GDNF: variants seen among roughly 807,000 people sequenced by gnomAD.
GDNF encodes the protein glial cell derived neurotrophic factor.
A neutral mutation model predicts 13.7 loss-of-function variants in GDNF; 5 were observed. That is an observed-to-expected ratio of 0.36 (90% CI 0.19 to 0.77). The LOEUF (loss-of-function observed/expected upper bound fraction) is 0.77, where lower values mean the gene tolerates loss of function less well. Among genes scored for constraint, GDNF ranks in the 30% least tolerant of loss-of-function variants. GDNF has a pLI of 0.51. For synonymous variants in GDNF, 122 were observed against 112.5 expected, an observed-to-expected ratio of 1.08 and a Z score of -0.53; for missense variants, 246 against 274.3, an observed-to-expected ratio of 0.90 and a Z score of 0.73.
Position 37,815,837 on chromosome 5 carries a change from A to G in GDNF, c.450T>C (p.Asp150=). The G allele has an allele frequency of 6.2e-7, 1 of 1,614,090 alleles. No individual in the cohort carries two copies. The highest frequency in any genetic ancestry group is 1.1e-5 in the South Asian group (1 of 91,072). ...LIFRYCSGSC[D]AAETTYDKIL... is the part of the protein sequence containing the mutation. ...TTTTGTCGTACGTTGTCTCAGCTGCATCGCAAGAGCCGCTGCAGTACCTAA... is the reference window on the plus strand; with the variant it reads ...TTTTGTCGTACGTTGTCTCAGCTGCGTCGCAAGAGCCGCTGCAGTACCTAA... Residue 150 remains aspartate (D), a synonymous_variant, in exon 3 of 3, where the codon GAT becomes GAC. Transcript: ENST00000326524. The surrounding 1 kb of genome is among the most constrained non-coding windows in gnomAD (Gnocchi z 5.0).
At chr5:37,835,431 A>T in intron 1 of GDNF, 1 of 1,431,240 alleles carries the variant, frequency 7.0e-7, no homozygotes. Flanking sequence ...TCCCACCTAA[A>T]TAGGTATTCT....
At chr5:37,816,206 G>T in intron 2 of GDNF, 71 bp from the exon 3 acceptor site, 1 of 1,542,262 alleles carries the variant, frequency 6.5e-7, no homozygotes, top group Non-Finnish European at 8.9e-7. Context: ...CAAGATCAAA[G>T]TGCCCCCCTA....
chr5:37,819,029 T>C (rs1258028380), intron 2 of GDNF, among the ~76,000 whole-genome samples: 2 of 152,180 alleles, frequency 1.3e-5, no homozygotes, highest in African/African-American at 4.8e-5. Context: ...GAATGTCAAC[T>C]CCAAGAGGCA....
At chr5:37,834,591 G>T in intron 2 of GDNF, 55 bp downstream of exon 2, 1 of 1,356,270 alleles carries the variant, frequency 7.4e-7, no homozygotes, top group Non-Finnish European at 9.8e-7. Context: ...GGCTGCGGGT[G>T]GGGGTGCGAG....
chr5:37,826,408 C>T (rs2111680650), intron 2 of GDNF, among the ~76,000 whole-genome samples: 1 of 152,304 alleles, frequency 6.6e-6, no homozygotes, highest in Non-Finnish European at 1.5e-5. Context: ...AAAAGGGGAT[C>T]CAGACACTGG....
At chr5:37,829,013 G>A (rs910599390) in intron 2 of GDNF, among the ~76,000 whole-genome samples, 2 of 152,212 alleles carry the variant, frequency 1.3e-5, no homozygotes, top group African/African-American at 4.8e-5. Flanking sequence ...GCAAGATCCC[G>A]CCTTGTAGTC....
chr5:37,825,718 G>C (rs1023394395), intron 2 of GDNF, among the ~76,000 whole-genome samples: 1 of 152,166 alleles, frequency 6.6e-6, no homozygotes, highest in Admixed American at 6.5e-5. Context: ...GCAGGACCCT[G>C]CAGGATTCTG....
chr5:37,819,143 C>G (rs955023075), intron 2 of GDNF, among the ~76,000 whole-genome samples: 3 of 152,066 alleles, frequency 2.0e-5, no homozygotes, highest in African/African-American at 7.2e-5. Context: ...TTTTACTAGG[C>G]GGAAAGAGAG....
intron 2 of GDNF, among the ~76,000 whole-genome samples, chr5:37,822,850 C>A (rs1750189335): frequency 6.6e-6 from 1 of 151,890 alleles, no homozygotes; most frequent in South Asian, 2.1e-4. Context: ...AAGAAGAGTC[C>A]CAATGAATGT....
In GDNF at chr5:37,838,779, T is replaced by C. The variant is rs909878723; in HGVS notation, c.-27+728A>G. Among the ~76,000 whole-genome samples the C allele has an allele frequency of 2.0e-5, 3 of 151,778 alleles. No homozygotes were observed. Among genetic ancestry groups the C allele is most frequent in the Non-Finnish European group, 4.4e-5 (3 of 67,934 alleles). On this transcript the variant is annotated intron_variant, in intron 1 of 2. Coordinates refer to ENST00000326524, the MANE Select transcript of GDNF (RefSeq NM_000514.4). The surrounding 1 kb of genome is among the most constrained non-coding windows in gnomAD (Gnocchi z 4.1). ...GGTGTTTTTGGAAGGCGGCACAGAG[T>C]ACAGGAGAAAAAGGGGTCATTAAAA...
At position 37,816,131 on chromosome 5, in the gene GDNF, A is replaced by G. The variant is rs747464123; in HGVS notation, c.156T>C (p.Asn52=). 1 of 1,613,862 alleles carries G rather than the reference A, an allele frequency of 6.2e-7. No individual in the cohort carries two copies. Among genetic ancestry groups the G allele is most frequent in the Non-Finnish European group, 8.5e-7 (1 of 1,179,752 alleles). Residue 52 remains asparagine (N), a synonymous_variant, in exon 3 of 3, where the codon AAT becomes AAC. Transcript: ENST00000326524. Reference sequence around the variant, plus strand: ...ACTGATCAGGATAATCCTCTGGCATATTTGCTGTTCAAAAAGAAAAGAGAA... The same window carrying G: ...ACTGATCAGGATAATCCTCTGGCATGTTTGCTGTTCAAAAAGAAAAGAGAA... ...RAPFALSSDS[N]MPEDYPDQFD...
chr5:37,825,746 C>G (rs889913477), intron 2 of GDNF, among the ~76,000 whole-genome samples: 7 of 152,156 alleles, frequency 4.6e-5, no homozygotes, highest in Non-Finnish European at 1.0e-4. Context: ...CATCCCTCAG[C>G]TCTTCCCAGG....
At chr5:37,826,475 C>T (rs1042111480) in intron 2 of GDNF, among the ~76,000 whole-genome samples, 1 of 152,190 alleles carries the variant, frequency 6.6e-6, no homozygotes, top group Admixed American at 6.5e-5. Context: ...GGGCCTGGAG[C>T]CCCTGGCATG....
intron 2 of GDNF, among the ~76,000 whole-genome samples, chr5:37,829,161 G>T (rs1750431439): frequency 6.6e-6 from 1 of 152,182 alleles, no homozygotes; most frequent in African/African-American, 2.4e-5. Context: ...CCTCTTTCTA[G>T]AACTTGGAGA....
rs75624956 is a variant in GDNF at position 37,837,994 on chromosome 5, G to GTTTTT, written c.-27+1508_-27+1512dup. Among the ~76,000 whole-genome samples, 1 of 125,500 alleles carries GTTTTT rather than the reference G, an allele frequency of 8.0e-6. No homozygotes were observed. The highest frequency in any genetic ancestry group is 1.7e-5 in the Non-Finnish European group (1 of 60,162). 82.3% of individuals were successfully genotyped at this position (125,500 alleles called of 152,430 possible). A position where few individuals can be genotyped will look rare whatever the true frequency, so the allele number is the denominator to read the frequency against. ...GGGAGACGGGTTTGCTATAAACTCG[G>GTTTTT]TTTTTTTTTTTTTTTTTTTGGCGGG... On this transcript the variant is annotated intron_variant, in intron 1 of 2. Coordinates refer to ENST00000326524, the MANE Select transcript of GDNF (RefSeq NM_000514.4). The surrounding 1 kb of genome is among the most constrained non-coding windows in gnomAD (Gnocchi z 6.5).
chr5:37,834,600 A>AG (rs1203812636), intron 2 of GDNF, 46 bp downstream of exon 2: 9 of 1,344,068 alleles, frequency 6.7e-6, no homozygotes, highest in Middle Eastern at 2.8e-4. Flanking sequence ...TGGGGGTGCG[A>AG]GGGGGTCCGC....
rs893431260 is a variant in GDNF, at chr5:37,838,868, A to G, written c.-27+639T>C. On this transcript the variant is annotated intron_variant, in intron 1 of 2. Transcript: ENST00000326524. The surrounding 1 kb of genome is among the most constrained non-coding windows in gnomAD (Gnocchi z 4.1). ...TTCGAGACAGAGATTTGAATCCAGGACTGGCAAGAAAGCCCCTCTCCTAAC... is the reference window on the plus strand; with the variant it reads ...TTCGAGACAGAGATTTGAATCCAGGGCTGGCAAGAAAGCCCCTCTCCTAAC... Among the ~76,000 whole-genome samples, 3 of 152,198 alleles carry G rather than the reference A, an allele frequency of 2.0e-5. No individual in the cohort carries two copies. Among genetic ancestry groups the G allele is most frequent in the African/African-American group, 7.2e-5 (3 of 41,454 alleles).
At chr5:37,820,332 G>T (rs1750089122) in intron 2 of GDNF, among the ~76,000 whole-genome samples, 1 of 152,126 alleles carries the variant, frequency 6.6e-6, no homozygotes, top group African/African-American at 2.4e-5. Context: ...CAATCATAAG[G>T]ATTTGAATCA....
In GDNF at chr5:37,815,500, TCC is replaced by T; in HGVS notation, c.*149_*150del. ...ATGATGGCTGCCTTCCTCCTCCTCC[TCC>T]TCCTCCTCCTCCTCCTCCTCTTCTT... On this transcript the variant is annotated 3_prime_UTR_variant, in exon 3 of 3. Coordinates refer to ENST00000326524, the MANE Select transcript of GDNF (RefSeq NM_000514.4). The surrounding 1 kb of genome is among the most constrained non-coding windows in gnomAD (Gnocchi z 5.0). 1 of 718,400 alleles carries T rather than the reference TCC, an allele frequency of 1.4e-6. No individual in the cohort carries two copies. The highest frequency in any genetic ancestry group is 2.4e-6 in the Non-Finnish European group (1 of 409,966). The allele number at this position is 718,400 out of a possible 1,614,324, so 44.5% of individuals were successfully genotyped here. A position where few individuals can be genotyped will look rare whatever the true frequency, so the allele number is the denominator to read the frequency against.
Sources: gnomAD v4.1 joint callset for allele counts (sites outside exome capture counted in the v4.1 genomes callset) on GRCh38, gnomAD v4.1.1 for gene constraint, Gnocchi (gnomAD v3.1) non-coding constraint, MANE v1.5 for transcripts, NCBI Gene and HGNC (gene_info 2026-07-23, HGNC 2026-07-21) for gene names.